SNX6: variants seen among roughly 807,000 people sequenced by gnomAD.
SNX6 encodes the protein sorting nexin-6.
SNX6 carries 34 observed loss-of-function variants against 63.0 expected under a neutral mutation model. The observed-to-expected ratio is 0.54, with a 90% CI of 0.41 to 0.72. The LOEUF (loss-of-function observed/expected upper bound fraction) is 0.72. SNX6 is among the 30% of genes least tolerant of loss of function. SNX6 has a pLI of 0.00. For synonymous variants in SNX6, 170 were observed against 164.2 expected (o/e 1.04, Z -0.27); for missense variants, 398 against 471.4 (o/e 0.84, Z 1.44).
chr14:34,586,423 AGCAACAG>A, intron 8 of SNX6, 118 bp from the exon 9 acceptor site: 1 of 478,442 alleles, frequency 2.1e-6, no homozygotes, highest in Non-Finnish European at 3.7e-6. Flanking sequence ...AAATAACGCA[AGCAACAG>A]GCATGGTGGC....
At chr14:34,567,165 G>A (rs969791926) in intron 13 of SNX6, among the ~76,000 whole-genome samples, 10 of 149,766 alleles carry the variant, frequency 6.7e-5, no homozygotes, top group East Asian at 4.0e-4. Flanking sequence ...CAGAGGTTGC[G>A]GAGGTCTCAA....
intron 2 of SNX6, among the ~76,000 whole-genome samples, chr14:34,617,698 G>T (rs1277648468): frequency 6.6e-6 from 1 of 151,340 alleles, no homozygotes; most frequent in Non-Finnish European, 1.5e-5. Flanking sequence ...GAGGCAGGCG[G>T]ATCACGAGGT....
intron 5 of SNX6, chr14:34,605,343 C>T (rs1281854034): frequency 4.1e-6 from 1 of 245,898 alleles, no homozygotes; most frequent in Non-Finnish European, 7.7e-6. Context: ...TTTGGATCTT[C>T]CATTTTCAAC....
intron 13 of SNX6, among the ~76,000 whole-genome samples, chr14:34,563,735 T>TTTC (rs10630099): frequency 0.82 from 123,475 of 151,154 alleles, 50,729 homozygotes; most frequent in Non-Finnish European, 0.85. Flanking sequence ...CTTCAGTAAA[T>TTTC]TTTTTTTCTT....
At chr14:34,626,605 C>T (rs976573070) in intron 2 of SNX6, among the ~76,000 whole-genome samples, 2 of 148,568 alleles carry the variant, frequency 1.3e-5, no homozygotes, top group African/African-American at 2.5e-5. Context: ...GGAGGCAGAG[C>T]TTGCAGCGAG....
chr14:34,625,323 G>A (rs1883785851), intron 2 of SNX6, among the ~76,000 whole-genome samples: 1 of 152,132 alleles, frequency 6.6e-6, no homozygotes, highest in South Asian at 2.1e-4. Context: ...ACAATGTAAG[G>A]AAATTTAAAC....
At chr14:34,618,368 G>A (rs1280799898) in intron 2 of SNX6, among the ~76,000 whole-genome samples, 1 of 151,750 alleles carries the variant, frequency 6.6e-6, no homozygotes. Flanking sequence ...TTGGGGAGGG[G>A]GGGATGGAGT....
intron 10 of SNX6, among the ~76,000 whole-genome samples, chr14:34,580,594 T>G (rs191392581): frequency 1.2e-3 from 190 of 152,236 alleles, no homozygotes; most frequent in African/African-American, 4.3e-3. Flanking sequence ...CCACCTGGCC[T>G]GGTTCCTTTA....
chr14:34,620,436 G>C (rs907341014), intron 2 of SNX6, among the ~76,000 whole-genome samples: 1 of 152,152 alleles, frequency 6.6e-6, no homozygotes, highest in East Asian at 1.9e-4. Flanking sequence ...AGCTGTGATG[G>C]TGCCACTACA....
intron 10 of SNX6, among the ~76,000 whole-genome samples, 167 bp downstream of exon 10, chr14:34,581,394 C>T (rs557123122): frequency 6.6e-6 from 1 of 152,142 alleles, no homozygotes; most frequent in Non-Finnish European, 1.5e-5. Flanking sequence ...CCTCGTGATC[C>T]GCCCCACTTG....
chr14:34,615,593 T>C (rs775191002), intron 2 of SNX6, among the ~76,000 whole-genome samples: 1 of 152,176 alleles, frequency 6.6e-6, no homozygotes, highest in African/African-American at 2.4e-5. Flanking sequence ...ATTAACTCAA[T>C]CTACCATTTG....
chr14:34,622,532 G>A (rs145147163), intron 2 of SNX6, among the ~76,000 whole-genome samples: 10,860 of 144,968 alleles, frequency 0.075, 868 homozygotes, highest in African/African-American at 0.21. Flanking sequence ...GCAGTGAGCC[G>A]AGATCGTGCC....
intron 9 of SNX6, among the ~76,000 whole-genome samples, chr14:34,584,496 C>T (rs1025491850): frequency 6.6e-6 from 1 of 151,862 alleles, no homozygotes; most frequent in Admixed American, 6.6e-5. Flanking sequence ...CGCCACTGCA[C>T]TCCAGCCTGG....
intron 4 of SNX6, among the ~76,000 whole-genome samples, chr14:34,606,453 C>T (rs80097482): frequency 2.8e-5 from 4 of 141,614 alleles, no homozygotes; most frequent in African/African-American, 1.1e-4. Context: ...TCCAACTCTT[C>T]TTTTTTTTTT....
intron 13 of SNX6, 28 bp from the exon 14 acceptor site, chr14:34,563,203 A>C (rs746509431): frequency 3.8e-6 from 6 of 1,594,976 alleles, no homozygotes; most frequent in Non-Finnish European, 5.2e-6. Flanking sequence ...AATAAATTAC[A>C]AATTTTATTT....
intron 11 of SNX6, among the ~76,000 whole-genome samples, chr14:34,573,132 T>C (rs1437045810): frequency 3.9e-5 from 6 of 152,108 alleles, no homozygotes; most frequent in Non-Finnish European, 8.8e-5. Flanking sequence ...CACACCACCA[T>C]GGCCTAGCTA....
intron 2 of SNX6, among the ~76,000 whole-genome samples, chr14:34,622,226 T>C (rs1352739957): frequency 2.0e-5 from 3 of 149,790 alleles, no homozygotes; most frequent in Non-Finnish European, 4.5e-5. Flanking sequence ...CCTCCCATAG[T>C]GCTGGGATTA....
intron 11 of SNX6, among the ~76,000 whole-genome samples, chr14:34,571,186 CACT>C (rs1332935933): frequency 2.0e-5 from 3 of 151,792 alleles, no homozygotes; most frequent in African/African-American, 7.3e-5. Flanking sequence ...GTAATCCCAG[CACT>C]TTGGGAGGCT....
At chr14:34,578,854 G>A (rs1881817180) in intron 10 of SNX6, among the ~76,000 whole-genome samples, 1 of 137,244 alleles carries the variant, frequency 7.3e-6, no homozygotes, top group South Asian at 2.4e-4. Context: ...CAGGCGAATT[G>A]CTTGAACCTG....
Sources: allele counts gnomAD v4.1 joint callset (sites outside exome capture counted in the v4.1 genomes callset), GRCh38; gene constraint gnomAD v4.1.1; transcripts MANE v1.5; gene names NCBI Gene and HGNC (gene_info 2026-07-23, HGNC 2026-07-21).